Variants in PRKD1 observed in about 807,000 individuals in gnomAD.
The protein encoded by PRKD1 is protein kinase D1.
PRKD1 carries 63 observed loss-of-function variants against 95.9 expected under a neutral mutation model. The observed-to-expected ratio is 0.66, with a 90% CI of 0.54 to 0.81. PRKD1 has a LOEUF of 0.81. Ranked by LOEUF, PRKD1 falls within the 30% of genes least tolerant of loss-of-function variation. The pLI, the probability that PRKD1 is intolerant of heterozygous loss-of-function variation, is 0.00. For synonymous variants in PRKD1, 425 were observed against 423.1 expected (o/e 1.00, Z -0.05); for missense variants, 1,048 against 1,165.3 (o/e 0.90, Z 1.47).
At chr14:29,816,735 C>A (rs1890708621) in intron 1 of PRKD1, among the ~76,000 whole-genome samples, 2 of 152,072 alleles carry the variant, frequency 1.3e-5, no homozygotes, top group Admixed American at 1.3e-4. Context: ...TTTTATATTT[C>A]AATGGATTGT....
chr14:29,847,344 C>G lies in PRKD1; in HGVS notation c.264+79905G>C, dbSNP rs180716841. Among the ~76,000 whole-genome samples the G allele has an allele frequency of 2.4e-3, 359 of 152,248 alleles. 1 individual carries two copies. The highest frequency in any genetic ancestry group is 8.4e-3 in the African/African-American group (348 of 41,542). ...GTGGCAGAGGTGAGATTTTCTGCCTCTTATGCAAACTTATCTAAGCTAATT... is the reference window on the plus strand; with the variant it reads ...GTGGCAGAGGTGAGATTTTCTGCCTGTTATGCAAACTTATCTAAGCTAATT... On this transcript the variant is annotated intron_variant, in intron 1 of 17. Transcript: ENST00000331968.
At chr14:29,797,241 C>T (rs1555345521) in intron 1 of PRKD1, among the ~76,000 whole-genome samples, 1 of 152,084 alleles carries the variant, frequency 6.6e-6, no homozygotes, top group Non-Finnish European at 1.5e-5. Context: ...AATGCAAAGC[C>T]GTATCAGATG....
At chr14:29,578,393 A>C in intron 16 of PRKD1, 33 bp from the exon 17 acceptor site, 1 of 1,454,030 alleles carries the variant, frequency 6.9e-7, no homozygotes. Context: ...ATAGATGACA[A>C]ATCTGTAACA....
chr14:29,636,163 T>A, intron 7 of PRKD1, 127 bp downstream of exon 7: 1 of 1,136,198 alleles, frequency 8.8e-7, no homozygotes, highest in Non-Finnish European at 1.3e-6. Context: ...AGCACGCAGT[T>A]CATTCATATA....
At chr14:29,889,604 C>G (rs1893867478) in intron 1 of PRKD1, among the ~76,000 whole-genome samples, 1 of 152,170 alleles carries the variant, frequency 6.6e-6, no homozygotes, top group Non-Finnish European at 1.5e-5. Context: ...ATGGATGAAG[C>G]TGGAAACCAT....
At chr14:29,648,757 C>A (rs1169082338) in intron 4 of PRKD1, among the ~76,000 whole-genome samples, 2 of 152,116 alleles carry the variant, frequency 1.3e-5, no homozygotes, top group Non-Finnish European at 2.9e-5. Flanking sequence ...TGGGTTCATG[C>A]CATTCTCCTA....
intron 1 of PRKD1, among the ~76,000 whole-genome samples, chr14:29,846,599 G>A (rs1005610640): frequency 6.6e-6 from 1 of 152,174 alleles, no homozygotes; most frequent in Non-Finnish European, 1.5e-5. Flanking sequence ...AGTGTGTTTG[G>A]TTTCACTGAA....
At chr14:29,692,203 C>T (rs1166349168) in intron 2 of PRKD1, among the ~76,000 whole-genome samples, 1 of 126,332 alleles carries the variant, frequency 7.9e-6, no homozygotes, top group Non-Finnish European at 1.6e-5. Flanking sequence ...GAAAAAACTT[C>T]CTGTTCATTT....
intron 1 of PRKD1, among the ~76,000 whole-genome samples, chr14:29,925,752 G>C (rs1446139833): frequency 6.6e-6 from 1 of 152,186 alleles, no homozygotes; most frequent in Admixed American, 6.5e-5. Flanking sequence ...TTAGAATTTA[G>C]AAAAGTTAAA....
intron 1 of PRKD1, among the ~76,000 whole-genome samples, chr14:29,745,634 A>AATTATT (rs750157850): frequency 2.0e-5 from 3 of 151,236 alleles, no homozygotes; most frequent in African/African-American, 7.3e-5. Context: ...ATGCCCAACT[A>AATTATT]ATTATTATTA....
At chr14:29,742,556 C>A (rs11620996) in intron 1 of PRKD1, among the ~76,000 whole-genome samples, 2,591 of 151,962 alleles carry the variant, frequency 0.017, 95 homozygotes, top group Admixed American at 0.086. Flanking sequence ...AAGACTAAAT[C>A]TAAAGAACAG....
At chr14:29,682,607 A>C (rs890604712) in intron 2 of PRKD1, among the ~76,000 whole-genome samples, 2 of 152,234 alleles carry the variant, frequency 1.3e-5, no homozygotes, top group African/African-American at 4.8e-5. Context: ...CAGCAGTTAC[A>C]GGAAAGACAC....
At chr14:29,696,233 T>C (rs575953879) in intron 2 of PRKD1, among the ~76,000 whole-genome samples, 8 of 107,328 alleles carry the variant, frequency 7.5e-5, no homozygotes, top group African/African-American at 4.2e-4. Flanking sequence ...CATGAAATTA[T>C]CTAGTAATAG....
intron 13 of PRKD1, among the ~76,000 whole-genome samples, chr14:29,615,897 T>C (rs1594364240): frequency 6.6e-6 from 1 of 151,870 alleles, no homozygotes; most frequent in South Asian, 2.1e-4. Context: ...AACATTAGGG[T>C]TACGTGTTTG....
chr14:29,617,551 T>A (rs2139068585), intron 13 of PRKD1, among the ~76,000 whole-genome samples: 1 of 152,308 alleles, frequency 6.6e-6, no homozygotes, highest in Middle Eastern at 3.4e-3. Context: ...GGAGCTCTAG[T>A]ATTGTTCTAG....
chr14:29,579,271 C>G (rs1892675521), intron 16 of PRKD1, among the ~76,000 whole-genome samples: 1 of 152,002 alleles, frequency 6.6e-6, no homozygotes, highest in South Asian at 2.1e-4. Context: ...CCTCACACTT[C>G]TCATTCTTGT....
At chr14:29,687,927 G>A (rs946415569) in intron 2 of PRKD1, among the ~76,000 whole-genome samples, 3 of 152,092 alleles carry the variant, frequency 2.0e-5, no homozygotes. Context: ...CCTAATACTT[G>A]TATTAGTTTC....
intron 10 of PRKD1, 47 bp from the exon 11 acceptor site, chr14:29,629,140 A>G: frequency 6.6e-7 from 1 of 1,523,678 alleles, no homozygotes; most frequent in Non-Finnish European, 9.0e-7. Flanking sequence ...TCAGTAAGAG[A>G]TGTAATAGCA....
At chr14:29,602,249 CG>C (rs1230863277) in intron 13 of PRKD1, among the ~76,000 whole-genome samples, 1 of 151,906 alleles carries the variant, frequency 6.6e-6, no homozygotes, top group Non-Finnish European at 1.5e-5. Flanking sequence ...AGAGTGACCT[CG>C]GGGGCCCAGG....
Sources: gnomAD v4.1 joint callset for allele counts (sites outside exome capture counted in the v4.1 genomes callset) on GRCh38, gnomAD v4.1.1 for gene constraint, MANE v1.5 for transcripts, NCBI Gene and HGNC (gene_info 2026-07-23, HGNC 2026-07-21) for gene names.